CELF4: variants seen among roughly 807,000 people sequenced by gnomAD.
The protein encoded by CELF4 is CUGBP Elav-like family member 4, also known as CUG-BP- and ETR-3-like factor 4.
A neutral mutation model predicts 59.9 loss-of-function variants in CELF4; 18 were observed. The observed-to-expected ratio is 0.30, with a 90% CI of 0.21 to 0.45. CELF4 has a LOEUF of 0.45. Ranked by LOEUF, CELF4 falls within the 20% of genes least tolerant of loss-of-function variation. CELF4 has a pLI of 1.00. For missense variants in CELF4, 456 were observed against 689.0 expected (o/e 0.66, Z 3.79); for synonymous variants, 261 against 267.1 (o/e 0.98, Z 0.22).
At chr18:37,423,121 C>T (rs374006460) in intron 2 of CELF4, among the ~76,000 whole-genome samples, 2 of 151,228 alleles carry the variant, frequency 1.3e-5, no homozygotes, top group East Asian at 1.9e-4. Context: ...GACAGACAGA[C>T]AGAGAGAGTC....
intron 2 of CELF4, among the ~76,000 whole-genome samples, chr18:37,453,300 C>A (rs1486848946): frequency 2.0e-5 from 3 of 152,244 alleles, no homozygotes; most frequent in African/African-American, 7.2e-5. Context: ...TATGATAAGG[C>A]AGTTCAGGAA....
intron 3 of CELF4, among the ~76,000 whole-genome samples, chr18:37,289,274 T>C (rs1164481962): frequency 4.0e-5 from 6 of 151,868 alleles, no homozygotes; most frequent in Non-Finnish European, 1.5e-5. Flanking sequence ...GATACTGAGG[T>C]CAGGCTGCAC....
rs1302434819 is a variant in CELF4 at position 37,253,396 on chromosome 18, G to A, written c.*44+371C>T. On this transcript the variant is annotated intron_variant, in intron 12 of 12. Coordinates refer to ENST00000420428, the MANE Select transcript of CELF4 (RefSeq NM_020180.4). This position sits in a 1 kb window ranked among gnomAD's most constrained non-coding sequence, Gnocchi z 4.5. ...CCCCGCGGGCGGCTGCAGCTCTTCT[G>A]GGTAGAGCCTGTTCTGCCCCCAACC... Among the ~76,000 whole-genome samples the A allele has an allele frequency of 6.6e-6, 1 of 152,142 alleles. No homozygotes were observed. The highest frequency in any genetic ancestry group is 1.5e-5 in the Non-Finnish European group (1 of 68,022).
In CELF4 at chr18:37,351,767, C is replaced by T. The variant is rs149197346; in HGVS notation, c.370-29886G>A. On this transcript the variant is annotated intron_variant, in intron 2 of 12. Transcript: ENST00000420428. ...CTGGGACCACAGGTGCACGCCACCA[C>T]GCCCTGCTAATGTTTTTTGTATTTT... is the stretch of plus-strand genomic sequence containing the variant. 2.2e-4 allele frequency among the ~76,000 whole-genome samples: 34 copies of T among 152,026 alleles called. 1 individual carries two copies. The East Asian group carries it at 5.6e-3, about 25-fold the overall frequency.
At chr18:37,383,330 T>A (rs556809342) in intron 2 of CELF4, among the ~76,000 whole-genome samples, 17 of 152,250 alleles carry the variant, frequency 1.1e-4, no homozygotes, top group African/African-American at 3.4e-4. Context: ...AATGGCCCTG[T>A]CCCTGTCCTG....
At chr18:37,539,965 A>C (rs1451887590) in intron 1 of CELF4, among the ~76,000 whole-genome samples, 2 of 152,180 alleles carry the variant, frequency 1.3e-5, no homozygotes, top group Non-Finnish European at 1.5e-5. Context: ...ACATAGCTTT[A>C]TTAATAACTA....
At chr18:37,470,890 C>CAGACAGAGAGAGAG (rs2099820332) in intron 2 of CELF4, among the ~76,000 whole-genome samples, 1 of 94,936 alleles carries the variant, frequency 1.1e-5, no homozygotes, top group African/African-American at 4.2e-5. Context: ...GTGTGTGTGA[C>CAGACAGAGAGAGAG]AGAGAGAGAG....
intron 2 of CELF4, among the ~76,000 whole-genome samples, chr18:37,446,656 C>T (rs959140315): frequency 2.0e-5 from 3 of 152,152 alleles, no homozygotes; most frequent in Non-Finnish European, 1.5e-5. Flanking sequence ...TTTCTTTAAT[C>T]ATTCAAATAA....
intron 2 of CELF4, among the ~76,000 whole-genome samples, chr18:37,375,761 C>A (rs1231969778): frequency 6.6e-6 from 1 of 152,132 alleles, no homozygotes; most frequent in Non-Finnish European, 1.5e-5. Flanking sequence ...ATGCAGCCGG[C>A]CTACAGCCAA....
intron 2 of CELF4, among the ~76,000 whole-genome samples, chr18:37,483,417 T>C (rs534365430): frequency 9.2e-5 from 14 of 152,130 alleles, no homozygotes; most frequent in Non-Finnish European, 2.1e-4. Flanking sequence ...TTTGAGGCCA[T>C]GAGTTTCCCT....
intron 2 of CELF4, among the ~76,000 whole-genome samples, chr18:37,472,837 G>A (rs190806458): frequency 6.6e-6 from 1 of 152,318 alleles, no homozygotes; most frequent in African/African-American, 2.4e-5. Flanking sequence ...GGGAATTTGG[G>A]ACCTAGCCAA....
chr18:37,279,018 C>T (rs1401128548), intron 3 of CELF4, among the ~76,000 whole-genome samples: 1 of 152,176 alleles, frequency 6.6e-6, no homozygotes, highest in East Asian at 1.9e-4. Flanking sequence ...TCTGTTTCCC[C>T]AGCCCGTGCC....
intron 2 of CELF4, among the ~76,000 whole-genome samples, chr18:37,401,636 G>C (rs2099327704): frequency 6.6e-6 from 1 of 152,192 alleles, no homozygotes; most frequent in South Asian, 2.1e-4. Context: ...GTGAGCCACA[G>C]AGCCCAGCTC....
At chr18:37,452,539 C>T (rs186367693) in intron 2 of CELF4, among the ~76,000 whole-genome samples, 15 of 152,136 alleles carry the variant, frequency 9.9e-5, no homozygotes, top group Non-Finnish European at 1.9e-4. Flanking sequence ...AAAATGTCAC[C>T]TCATGCATTG....
At chr18:37,354,156 C>G (rs1354054319) in intron 2 of CELF4, among the ~76,000 whole-genome samples, 1 of 152,078 alleles carries the variant, frequency 6.6e-6, no homozygotes, top group Non-Finnish European at 1.5e-5. Context: ...GTGAACTATG[C>G]TGAGCACCTG....
intron 3 of CELF4, among the ~76,000 whole-genome samples, chr18:37,280,652 A>T (rs537898935): frequency 6.6e-6 from 1 of 152,296 alleles, no homozygotes; most frequent in South Asian, 2.1e-4. Flanking sequence ...CAGGGACAAC[A>T]AGCCCACACC....
At chr18:37,521,526 C>T (rs1031353156) in intron 1 of CELF4, among the ~76,000 whole-genome samples, 15 of 152,276 alleles carry the variant, frequency 9.9e-5, no homozygotes, top group Admixed American at 8.5e-4. Context: ...TAAAGATTTT[C>T]TGTCCTCTAC....
chr18:37,304,385 G>C (rs750787527), intron 3 of CELF4, among the ~76,000 whole-genome samples: 3 of 152,206 alleles, frequency 2.0e-5, no homozygotes, highest in Non-Finnish European at 4.4e-5. Flanking sequence ...CCAGACTATG[G>C]GGAGAAGACA....
chr18:37,425,507 C>T (rs1346403276), intron 2 of CELF4, among the ~76,000 whole-genome samples: 1 of 152,174 alleles, frequency 6.6e-6, no homozygotes, highest in African/African-American at 2.4e-5. Flanking sequence ...TGCCAGAATA[C>T]CTGAGACCCA....
Sources: allele counts gnomAD v4.1 joint callset (sites outside exome capture counted in the v4.1 genomes callset), GRCh38; gene constraint gnomAD v4.1.1; non-coding constraint Gnocchi (gnomAD v3.1); transcripts MANE v1.5; gene names NCBI Gene and HGNC (gene_info 2026-07-23, HGNC 2026-07-21).